Variants in CDKN2A observed in about 807,000 individuals in gnomAD.
CDKN2A encodes cyclin dependent kinase inhibitor 2A, also known as cyclin-dependent kinase inhibitor 2A.
CDKN2A carries 3 observed loss-of-function variants against 11.1 expected under a neutral mutation model. The ratio of observed to expected loss-of-function variants is 0.27; its 90% CI spans 0.12 to 0.70. CDKN2A has a LOEUF of 0.70. CDKN2A is among the 30% of genes least tolerant of loss of function. The pLI is 0.77. For missense variants in CDKN2A, 265 were observed against 233.6 expected, an observed-to-expected ratio of 1.13 and a Z score of -0.88; for synonymous variants, 122 against 108.1, an observed-to-expected ratio of 1.13 and a Z score of -0.80.
intron 1 of CDKN2A, among the ~76,000 whole-genome samples, chr9:21,972,960 T>C (rs1255375721): frequency 6.6e-6 from 1 of 152,232 alleles, no homozygotes; most frequent in Non-Finnish European, 1.5e-5. Context: ...GGAATTATAC[T>C]AAATTATATT....
intron 2 of CDKN2A, chr9:21,993,769 A>G (rs1820498172): frequency 3.8e-6 from 1 of 263,914 alleles, no homozygotes; most frequent in South Asian, 5.2e-5. Flanking sequence ...CCAAGGAGAA[A>G]GAAAGTGTGC....
chr9:21,969,754 TCTC>T, intron 2 of CDKN2A: 1 of 395,470 alleles, frequency 2.5e-6, no homozygotes, highest in Non-Finnish European at 4.4e-6. Flanking sequence ...GGAGCCGAAG[TCTC>T]CTTCTTCACC....
At chr9:21,981,140 GTGTA>G (rs1820186886) in intron 2 of CDKN2A, among the ~76,000 whole-genome samples, 1 of 23,890 alleles carries the variant, frequency 4.2e-5, no homozygotes, top group African/African-American at 1.9e-4. Context: ...ATATATATAC[GTGTA>G]TATATATATA....
chr9:21,983,813 A>T (rs1184205291), intron 2 of CDKN2A, among the ~76,000 whole-genome samples: 1 of 152,074 alleles, frequency 6.6e-6, no homozygotes, highest in African/African-American at 2.4e-5. Flanking sequence ...ATCCTTAATC[A>T]TAATTTTGGA....
chr9:21,992,596 G>T, intron 2 of CDKN2A: 1 of 328,586 alleles, frequency 3.0e-6, no homozygotes, highest in Non-Finnish European at 4.4e-6. Flanking sequence ...TCACCACAAT[G>T]TTATGTTTTA....
chr9:21,970,142 G>A (rs1487138634), intron 2 of CDKN2A: 3 of 254,470 alleles, frequency 1.2e-5, no homozygotes, highest in Non-Finnish European at 2.3e-5. Flanking sequence ...GACAGCTGTG[G>A]GAGTAGGGAA....
In CDKN2A at chr9:21,968,374, G is replaced by A. The variant is rs1330343347; in HGVS notation, c.458-132C>T. On this transcript the variant is annotated intron_variant, in intron 2 of 2. Coordinates refer to ENST00000304494, the MANE Select transcript of CDKN2A (RefSeq NM_000077.5). The surrounding 1 kb of genome is among the most constrained non-coding windows in gnomAD (Gnocchi z 4.7). ...GATAAAGTTCTCGCAATGGCTTCAC[G>A]TGCATGTACCCGCCGCCACCGCTCT... 1.3e-6 allele frequency: 2 copies of A among 1,496,484 alleles called. No homozygotes were observed. Among genetic ancestry groups the A allele is most frequent in the African/African-American group, 1.4e-5 (1 of 72,140 alleles). 92.7% of individuals were successfully genotyped at this position (1,496,484 alleles called of 1,614,324 possible). A position where few individuals can be genotyped will look rare whatever the true frequency, so the allele number is the denominator to read the frequency against.
intron 2 of CDKN2A, among the ~76,000 whole-genome samples, chr9:21,986,119 T>C (rs1373240339): frequency 6.6e-6 from 1 of 152,024 alleles, no homozygotes; most frequent in Non-Finnish European, 1.5e-5. Flanking sequence ...ACTGAGAGTT[T>C]CTCATACTTC....
At position 21,968,067 on chromosome 9, in the gene CDKN2A, A is replaced by G; in HGVS notation, c.*162T>C. On this transcript the variant is annotated 3_prime_UTR_variant, in exon 3 of 3. Transcript: ENST00000304494. This position sits in a 1 kb window ranked among gnomAD's most constrained non-coding sequence, Gnocchi z 4.7. ...GACATTTACGGTAGTGGGGGAAGGCATATATCTACGTTAAAAGGCAGGACA... is the reference window on the plus strand; with the variant it reads ...GACATTTACGGTAGTGGGGGAAGGCGTATATCTACGTTAAAAGGCAGGACA... The G allele has an allele frequency of 1.4e-6, 1 of 702,462 alleles. No homozygotes were observed. The highest frequency in any genetic ancestry group is 2.6e-6 in the Non-Finnish European group (1 of 380,994). 43.5% of individuals were successfully genotyped at this position (702,462 alleles called of 1,614,324 possible).
chr9:21,993,983 A>C, exon 2 of CDKN2A: 1 of 793,948 alleles, frequency 1.3e-6, no homozygotes, highest in Non-Finnish European at 2.1e-6. Flanking sequence ...CGAGAACCAC[A>C]TGTCTAAGTC....
At chr9:21,977,982 T>C (rs1336603704), upstream of CDKN2A, among the ~76,000 whole-genome samples, 1 of 152,136 alleles carries the variant, frequency 6.6e-6, no homozygotes, top group Non-Finnish European at 1.5e-5. Flanking sequence ...AAAAGTTGAC[T>C]GCTTTGGAAA....
intron 1 of CDKN2A, chr9:21,994,579 G>C (rs143058585): frequency 2.1e-6 from 2 of 951,860 alleles, no homozygotes; most frequent in East Asian, 6.7e-5. Context: ...TGAGCCCTGC[G>C]CACGCGGGAA....
At chr9:21,974,914 A>T (rs2131115094), upstream of CDKN2A, 1 of 1,437,578 alleles carries the variant, frequency 7.0e-7, no homozygotes, top group Non-Finnish European at 9.1e-7. The surrounding 1 kb of genome is among the most constrained non-coding windows in gnomAD (Gnocchi z 5.2). Context: ...GTGACCAGCC[A>T]GCCCCTCCTC....
exon 2 of CDKN2A, chr9:21,993,974 G>A (rs1820513764): frequency 5.2e-6 from 4 of 762,632 alleles, no homozygotes; most frequent in South Asian, 4.7e-5. Flanking sequence ...ATGGTACTGC[G>A]AGAACCACAT....
chr9:21,968,197 TC>T lies in CDKN2A; in HGVS notation c.*31del. On this transcript the variant is annotated 3_prime_UTR_variant, in exon 3 of 3. Transcript: ENST00000304494. The surrounding 1 kb of genome is among the most constrained non-coding windows in gnomAD (Gnocchi z 4.7). ...CCTTCGGTGACTGATGATCTAAGTT[TC>T]CCGAGGTTTCTCAGAGCCTCTCTGG... The T allele has an allele frequency of 6.2e-7, 1 of 1,608,480 alleles. No individual in the cohort carries two copies. Among genetic ancestry groups the T allele is most frequent in the Non-Finnish European group, 8.5e-7 (1 of 1,175,018 alleles).
In CDKN2A at chr9:21,967,812, C is replaced by A. The variant is rs1325008282; in HGVS notation, c.*417G>T. 2.2e-5 allele frequency: 7 copies of A among 311,224 alleles called. No individual in the cohort carries two copies. Among genetic ancestry groups the A allele is most frequent in the Non-Finnish European group, 3.6e-5 (6 of 165,892 alleles). The allele number at this position is 311,224 out of a possible 1,614,324, so 19.3% of individuals were successfully genotyped here. ...GAGCTTTGGTTCTGCCATTTGCTAGCAGTGTGACTCAAGAGAAGCCAGTAA... is the reference window on the plus strand; with the variant it reads ...GAGCTTTGGTTCTGCCATTTGCTAGAAGTGTGACTCAAGAGAAGCCAGTAA... On this transcript the variant is annotated 3_prime_UTR_variant, in exon 3 of 3. Transcript: ENST00000304494.
rs1460140954 is a variant in CDKN2A, at chr9:21,994,537, C to G, written c.-176+284G>C. ...CCCCACCCCCACCCCACCCCCACTC[C>G]CACCCGGACCTCCAAGATCTCGGAA... On this transcript the variant is annotated intron_variant, in intron 1 of 3. Transcript: ENST00000494262. 97 of 1,257,284 alleles carry G rather than the reference C, an allele frequency of 7.7e-5. No homozygotes were observed. Among genetic ancestry groups the G allele is most frequent in the Non-Finnish European group, 9.3e-5 (88 of 946,336 alleles). The allele number at this position is 1,257,284 out of a possible 1,614,324, so 77.9% of individuals were successfully genotyped here. A position where few individuals can be genotyped will look rare whatever the true frequency, so the allele number is the denominator to read the frequency against.
intron 2 of CDKN2A, among the ~76,000 whole-genome samples, chr9:21,980,625 G>C (rs1239548996): frequency 2.0e-5 from 3 of 152,012 alleles, no homozygotes; most frequent in Non-Finnish European, 4.4e-5. Context: ...AAGAAAGAAG[G>C]TTTCTTAGTC....
intron 2 of CDKN2A, among the ~76,000 whole-genome samples, chr9:21,985,981 G>T (rs1451871101): frequency 2.0e-5 from 3 of 151,936 alleles, no homozygotes; most frequent in Admixed American, 6.6e-5. Flanking sequence ...GTTTAATTAG[G>T]CACTATAATA....
Sources: allele counts gnomAD v4.1 joint callset (sites outside exome capture counted in the v4.1 genomes callset), GRCh38; gene constraint gnomAD v4.1.1; non-coding constraint Gnocchi (gnomAD v3.1); transcripts MANE v1.5; gene names NCBI Gene and HGNC (gene_info 2026-07-23, HGNC 2026-07-21).